The following BTRC variants were observed in gnomAD, a reference collection of about 807,000 sequenced individuals.
BTRC encodes the protein beta-transducin repeat containing E3 ubiquitin protein ligase.
A neutral mutation model predicts 85.5 loss-of-function variants in BTRC; 42 were observed. That is an observed-to-expected ratio of 0.49 (90% CI 0.38 to 0.64). The LOEUF (loss-of-function observed/expected upper bound fraction) is 0.64, where lower values mean the gene tolerates loss of function less well. Ranked by LOEUF, BTRC falls within the 30% of genes least tolerant of loss-of-function variation. The pLI is 0.00. For missense variants in BTRC, 594 were observed against 743.5 expected, an observed-to-expected ratio of 0.80 and a Z score of 2.34; for synonymous variants, 255 against 263.3, an observed-to-expected ratio of 0.97 and a Z score of 0.30.
At chr10:101,523,306 TGTG>T (rs1167740804) in intron 5 of BTRC, among the ~76,000 whole-genome samples, 6 of 152,202 alleles carry the variant, frequency 3.9e-5, no homozygotes, top group African/African-American at 7.2e-5. Context: ...TAAGCCTTGT[TGTG>T]GTGTTAAATA....
chr10:101,463,669 G>A (rs1360516173), intron 3 of BTRC, among the ~76,000 whole-genome samples: 3 of 152,056 alleles, frequency 2.0e-5, no homozygotes, highest in Admixed American at 6.6e-5. Context: ...TAGATATGAT[G>A]TGACTTCCAA....
Position 101,526,198 on chromosome 10 carries a change from T to C in BTRC, c.742T>C (p.Trp248Arg). The change falls in exon 6 of 15, where the codon TGG becomes CGG. Residue 248 changes from tryptophan (W) to arginine (R), a missense_variant and splice_region_variant. Physicochemically the swap from Trp to Arg is moderately radical, Grantham distance 101. Transcript: ENST00000370187. ...GAGAGGCCTGGCAGAACGAAGAGGA[T>C]GGTGAGCCTTTAACTTTTCTTACTC... The part of the protein sequence containing the change: ...LWRGLAERRG[W>R]GQYLFKNKPP... The C allele has an allele frequency of 6.2e-7, 1 of 1,613,456 alleles. No individual in the cohort carries two copies. The highest frequency in any genetic ancestry group is 8.5e-7 in the Non-Finnish European group (1 of 1,179,524).
chr10:101,375,568 G>T (rs1010311475), intron 1 of BTRC, among the ~76,000 whole-genome samples: 30 of 152,292 alleles, frequency 2.0e-4, no homozygotes, highest in African/African-American at 7.0e-4. Flanking sequence ...ATATTCTGGG[G>T]AGATCAATAG....
chr10:101,490,751 A>G (rs1477786000), intron 4 of BTRC, among the ~76,000 whole-genome samples: 2 of 152,156 alleles, frequency 1.3e-5, no homozygotes, highest in Admixed American at 6.5e-5. Context: ...GAAGTAGTGT[A>G]TTCAGAAAAC....
intron 4 of BTRC, among the ~76,000 whole-genome samples, chr10:101,499,283 C>G (rs114703440): frequency 0.014 from 2,092 of 151,776 alleles, 36 homozygotes; most frequent in African/African-American, 0.045. Flanking sequence ...TTCTGTCGGG[C>G]TGGAGTGCAG....
At chr10:101,434,884 C>G (rs1944487809) in intron 2 of BTRC, among the ~76,000 whole-genome samples, 1 of 151,850 alleles carries the variant, frequency 6.6e-6, no homozygotes, top group South Asian at 2.1e-4. Flanking sequence ...ATCTGCCCAC[C>G]TCGGCCTCCT....
chr10:101,424,404 A>G (rs975975298), intron 1 of BTRC, among the ~76,000 whole-genome samples: 2 of 152,192 alleles, frequency 1.3e-5, no homozygotes, highest in Non-Finnish European at 2.9e-5. Flanking sequence ...AATGTATTAC[A>G]TGATTATGGT....
intron 4 of BTRC, among the ~76,000 whole-genome samples, chr10:101,496,495 A>G (rs1473903868): frequency 3.3e-5 from 5 of 152,156 alleles, no homozygotes; most frequent in African/African-American, 1.2e-4. Flanking sequence ...AGCTCACTGT[A>G]ACCTCGAGCT....
intron 2 of BTRC, among the ~76,000 whole-genome samples, chr10:101,433,238 TA>T (rs1348597369): frequency 6.6e-6 from 1 of 152,222 alleles, no homozygotes; most frequent in East Asian, 1.9e-4. Flanking sequence ...TTGAATACTT[TA>T]CATACATATA....
chr10:101,366,632 T>C (rs2134503615), intron 1 of BTRC, among the ~76,000 whole-genome samples: 1 of 149,772 alleles, frequency 6.7e-6, no homozygotes, highest in East Asian at 2.0e-4. Flanking sequence ...GAATAGGAAG[T>C]AACTTGGGTA....
intron 2 of BTRC, among the ~76,000 whole-genome samples, chr10:101,446,812 C>A (rs1443486530): frequency 6.6e-6 from 1 of 152,164 alleles, no homozygotes; most frequent in Admixed American, 6.5e-5. Flanking sequence ...CCATGACTTT[C>A]CTTCTCTGTA....
At chr10:101,415,539 AT>A (rs1943919197) in intron 1 of BTRC, among the ~76,000 whole-genome samples, 1 of 17,594 alleles carries the variant, frequency 5.7e-5, no homozygotes, top group African/African-American at 1.2e-4. Flanking sequence ...ATGTTATGTT[AT>A]GTTATGTTAT....
rs1036407454 is a variant in BTRC, at chr10:101,555,779, C to T, written c.*2656C>T. 7 of 152,412 alleles carry T rather than the reference C, an allele frequency of 4.6e-5. No homozygotes were observed. Among genetic ancestry groups the T allele is most frequent in the Non-Finnish European group, 1.0e-4 (7 of 68,048 alleles). The allele number at this position is 152,412 out of a possible 1,614,324, so 9.4% of individuals were successfully genotyped here. ...GGTAGAAACAGAGCTGAAGGTGTCCCCATTGTAGATTAGTCTCTTCTCACT... is the reference window on the plus strand; with the variant it reads ...GGTAGAAACAGAGCTGAAGGTGTCCTCATTGTAGATTAGTCTCTTCTCACT... On this transcript the variant is annotated 3_prime_UTR_variant, in exon 15 of 15. Coordinates refer to ENST00000370187, the MANE Select transcript of BTRC (RefSeq NM_033637.4).
chr10:101,401,540 T>TA (rs1264427192), intron 1 of BTRC, among the ~76,000 whole-genome samples: 2 of 152,168 alleles, frequency 1.3e-5, no homozygotes, highest in Admixed American at 6.5e-5. Flanking sequence ...TTGAATATTT[T>TA]ATGGGATTAA....
At chr10:101,435,219 A>C (rs1019063148) in intron 2 of BTRC, among the ~76,000 whole-genome samples, 13 of 152,102 alleles carry the variant, frequency 8.5e-5, no homozygotes, top group Non-Finnish European at 1.5e-4. Context: ...ATTTAGGTAA[A>C]ATTTACATAC....
At chr10:101,451,116 T>G (rs935422503) in intron 2 of BTRC, among the ~76,000 whole-genome samples, 4 of 152,192 alleles carry the variant, frequency 2.6e-5, no homozygotes, top group Non-Finnish European at 5.9e-5. Context: ...TTACTTTATT[T>G]AAAAATAATT....
intron 4 of BTRC, among the ~76,000 whole-genome samples, chr10:101,508,845 C>T (rs1018776475): frequency 5.8e-5 from 8 of 138,534 alleles, no homozygotes; most frequent in Admixed American, 4.0e-4. Context: ...ACCCAGGAGG[C>T]GGAGCTTGCA....
chr10:101,377,851 G>A (rs2133953482), intron 1 of BTRC, among the ~76,000 whole-genome samples: 1 of 152,046 alleles, frequency 6.6e-6, no homozygotes, highest in Admixed American at 6.5e-5. Flanking sequence ...GTGACAGTGT[G>A]GATAAGAGAG....
intron 2 of BTRC, among the ~76,000 whole-genome samples, chr10:101,434,893 C>T (rs1222278367): frequency 6.6e-6 from 1 of 151,788 alleles, no homozygotes; most frequent in African/African-American, 2.4e-5. Flanking sequence ...CCTCGGCCTC[C>T]TAAAGTCCTG....
Sources: gnomAD v4.1 joint callset for allele counts (sites outside exome capture counted in the v4.1 genomes callset) on GRCh38, gnomAD v4.1.1 for gene constraint, MANE v1.5 for transcripts, NCBI Gene and HGNC (gene_info 2026-07-23, HGNC 2026-07-21) for gene names.